Variants in COL11A1 observed in about 807,000 individuals in gnomAD.
COL11A1 encodes collagen alpha-1(XI) chain.
Under a neutral mutation model 265.2 loss-of-function variants are expected in COL11A1, and 74 were observed. The observed-to-expected ratio is 0.28, with a 90% CI of 0.23 to 0.34. The LOEUF is 0.34. COL11A1 is among the 10% of genes least tolerant of loss of function. The pLI is 1.00. For missense variants in COL11A1, 2,165 were observed against 2,263.6 expected, an observed-to-expected ratio of 0.96 and a Z score of 0.88; for synonymous variants, 816 against 727.6, an observed-to-expected ratio of 1.12 and a Z score of -1.96.
intron 1 of COL11A1, among the ~76,000 whole-genome samples, chr1:103,104,772 A>G (rs1674561553): frequency 6.6e-6 from 1 of 152,222 alleles, no homozygotes; most frequent in Non-Finnish European, 1.5e-5. Flanking sequence ...ATGGAAAGAC[A>G]TAATATTAAT....
intron 5 of COL11A1, among the ~76,000 whole-genome samples, chr1:103,029,975 C>T (rs1046568947): frequency 6.6e-6 from 1 of 151,968 alleles, no homozygotes; most frequent in Non-Finnish European, 1.5e-5. Context: ...CAAAACAGAT[C>T]TCATCAACCT....
intron 1 of COL11A1, among the ~76,000 whole-genome samples, chr1:103,097,260 T>C (rs552880830): frequency 1.3e-5 from 2 of 152,100 alleles, no homozygotes; most frequent in East Asian, 1.9e-4. Flanking sequence ...TCTTGTGTTA[T>C]GTGTCCCCCG....
intron 47 of COL11A1, among the ~76,000 whole-genome samples, chr1:102,922,428 G>GCT (rs1656088666): frequency 6.6e-6 from 1 of 152,114 alleles, no homozygotes; most frequent in Non-Finnish European, 1.5e-5. Flanking sequence ...ACGGAGTCTT[G>GCT]CTCTGTCGCC....
At chr1:102,937,070 C>G (rs79112611) in intron 44 of COL11A1, among the ~76,000 whole-genome samples, 1 of 151,872 alleles carries the variant, frequency 6.6e-6, no homozygotes, top group Non-Finnish European at 1.5e-5. Context: ...TTTTTATTTG[C>G]AAAAATATAG....
Position 102,984,018 on chromosome 1 carries a change from G to A in COL11A1, c.2556+120C>T. 3 of 736,952 alleles carry A rather than the reference G, an allele frequency of 4.1e-6. No homozygotes were observed. The Admixed American group carries it at 6.8e-5, about 17-fold the overall frequency. 45.7% of individuals were successfully genotyped at this position (736,952 alleles called of 1,614,324 possible). The stretch of plus-strand genomic sequence containing the variant: ...GTCCACACACTCTATGATTTTCCTT[G>A]TGAAATTATTTTTAAGTACTCATGA... On this transcript the variant is annotated intron_variant, in intron 31 of 66. Coordinates refer to ENST00000370096, the MANE Select transcript of COL11A1 (RefSeq NM_001854.4).
Position 102,913,826 on chromosome 1 carries a change from T to A in COL11A1, c.3979-136A>T, listed in dbSNP as rs986850531. 3.6e-6 allele frequency: 3 copies of A among 832,404 alleles called. No homozygotes were observed. The African/African-American group carries it at 5.2e-5, about 14-fold the overall frequency. The allele number at this position is 832,404 out of a possible 1,614,324, so 51.6% of individuals were successfully genotyped here. The stretch of plus-strand genomic sequence containing the variant: ...GACAAGTAAAATCATTATATTCTTT[T>A]AACCTTTTTTAAAAAGATTGTGGTA... On this transcript the variant is annotated intron_variant, in intron 52 of 66. Coordinates refer to ENST00000370096, the MANE Select transcript of COL11A1 (RefSeq NM_001854.4).
rs771754817 is a variant in COL11A1, at chr1:102,979,080, G to A, written c.2635C>T (p.Arg879Trp). ...CCTACCGTTGGACCACGCTGACCCC[G>A]AGGGCCTGGTTTGCCAGCTACTCCC... ...ARGVAGKPGP[R>W]GQRGPTGPRG... The change falls in exon 33 of 67, where the codon CGG becomes TGG. Residue 879 changes from arginine to tryptophan, a missense_variant. Arg to Trp is a moderately radical substitution (Grantham distance 101). Coordinates refer to ENST00000370096, the MANE Select transcript of COL11A1 (RefSeq NM_001854.4). 1.2e-5 allele frequency: 20 copies of A among 1,613,934 alleles called. No homozygotes were observed. Among genetic ancestry groups the A allele is most frequent in the Non-Finnish European group, 1.7e-5 (20 of 1,180,004 alleles).
At chr1:103,009,985 G>A (rs1160354985) in intron 14 of COL11A1, among the ~76,000 whole-genome samples, 1 of 152,072 alleles carries the variant, frequency 6.6e-6, no homozygotes, top group African/African-American at 2.4e-5. Flanking sequence ...TTAATCGACT[G>A]TATTACATTC....
At chr1:102,883,603 T>C (rs1180016953) in intron 63 of COL11A1, among the ~76,000 whole-genome samples, 1 of 152,162 alleles carries the variant, frequency 6.6e-6, no homozygotes, top group Non-Finnish European at 1.5e-5. Flanking sequence ...TCCTCAAATA[T>C]TAACATTCCA....
intron 4 of COL11A1, among the ~76,000 whole-genome samples, chr1:103,071,580 A>G (rs1671594033): frequency 6.7e-6 from 1 of 149,860 alleles, no homozygotes; most frequent in Admixed American, 6.7e-5. Flanking sequence ...AGAGGGGACA[A>G]ATGTATCTAA....
chr1:102,889,428 G>A (rs780043168), intron 59 of COL11A1, 27 bp downstream of exon 59: 3 of 1,239,262 alleles, frequency 2.4e-6, no homozygotes, highest in Non-Finnish European at 3.5e-6. Flanking sequence ...GAAATGAGTA[G>A]AAAAAATAAC....
In COL11A1 at chr1:102,893,983, T is replaced by C. The variant is rs568268736; in HGVS notation, c.4303-3479A>G. On this transcript the variant is annotated intron_variant, in intron 57 of 66. Coordinates refer to ENST00000370096, the MANE Select transcript of COL11A1 (RefSeq NM_001854.4). ...ATCAGATATTTTATTTAACATTTTG[T>C]TATCAAAAGCAGAAATGTGTGATAA... Among the ~76,000 whole-genome samples the C allele has an allele frequency of 5.3e-5, 8 of 152,296 alleles. No homozygotes were observed. In the East Asian group the frequency reaches 1.2e-3, roughly 22 times the overall value.
At chr1:102,952,105 A>G (rs552646689) in intron 41 of COL11A1, among the ~76,000 whole-genome samples, 1 of 151,322 alleles carries the variant, frequency 6.6e-6, no homozygotes, top group East Asian at 1.9e-4. Context: ...GATACTGTAT[A>G]CTATTTTTTT....
intron 53 of COL11A1, among the ~76,000 whole-genome samples, chr1:102,913,385 TTG>T (rs1423524297): frequency 6.6e-6 from 1 of 152,208 alleles, no homozygotes; most frequent in East Asian, 1.9e-4. Context: ...ATTTGATATA[TTG>T]TGACAACCTT....
chr1:103,017,751 G>T, intron 11 of COL11A1, 69 bp downstream of exon 11: 2 of 1,322,064 alleles, frequency 1.5e-6, no homozygotes, highest in African/African-American at 1.4e-5. Flanking sequence ...TATACTTGTA[G>T]AATACATTTT....
At chr1:102,921,708 G>A (rs577267518) in intron 47 of COL11A1, 137 bp from the exon 48 acceptor site, 2 of 710,654 alleles carry the variant, frequency 2.8e-6, no homozygotes, top group African/African-American at 1.8e-5. Flanking sequence ...AGGGTTATAA[G>A]TCATCCTTCA....
intron 44 of COL11A1, among the ~76,000 whole-genome samples, chr1:102,937,804 T>C (rs1658302210): frequency 6.6e-6 from 1 of 152,186 alleles, no homozygotes; most frequent in South Asian, 2.1e-4. Context: ...CTATTTTCCT[T>C]ATAAATTATC....
chr1:102,930,722 T>C (rs1164873482), intron 46 of COL11A1, among the ~76,000 whole-genome samples: 4 of 152,310 alleles, frequency 2.6e-5, no homozygotes, highest in Admixed American at 1.3e-4. Context: ...CATCTGGTCC[T>C]GCACTCTTTT....
At chr1:103,002,652 G>A in intron 22 of COL11A1, 95 bp downstream of exon 22, 2 of 1,214,698 alleles carry the variant, frequency 1.6e-6, no homozygotes, top group East Asian at 2.4e-5. Context: ...TTAGCAAAAT[G>A]TAATAAATCA....
Sources: allele counts gnomAD v4.1 joint callset (sites outside exome capture counted in the v4.1 genomes callset), GRCh38; gene constraint gnomAD v4.1.1; transcripts MANE v1.5; gene names NCBI Gene and HGNC (gene_info 2026-07-23, HGNC 2026-07-21).